The following N4BP1 variants were observed in gnomAD, a reference collection of about 807,000 sequenced individuals.
N4BP1 encodes the protein NEDD4-binding protein 1.
A neutral mutation model predicts 70.9 loss-of-function variants in N4BP1; 21 were observed. The ratio of observed to expected loss-of-function variants is 0.30; its 90% confidence interval spans 0.21 to 0.43. The LOEUF is 0.43. N4BP1 is among the 20% of genes least tolerant of loss of function. The probability of loss-of-function intolerance (pLI) is 1.00; values close to 1 mark genes in which losing one functional copy is unlikely to be tolerated. For missense variants in N4BP1, 936 were observed against 1,069.4 expected, an observed-to-expected ratio of 0.88 and a Z score of 1.74; for synonymous variants, 387 against 394.6, an observed-to-expected ratio of 0.98 and a Z score of 0.23.
At chr16:48,578,990 C>T (rs1320681744) in intron 1 of N4BP1, among the ~76,000 whole-genome samples, 1 of 151,656 alleles carries the variant, frequency 6.6e-6, no homozygotes, top group African/African-American at 2.4e-5. Context: ...TTTGCCCTTC[C>T]TTGGGGCATT....
Position 48,609,915 on chromosome 16 carries a change from G to A in N4BP1, c.58C>T (p.Leu20=). ...FTAPAEKAEL[L]EQSRGRIEGL... Reference sequence around the variant, plus strand: ...TCGATACGGCCGCGGCTCTGCTCCAGCAGCTCCGCCTTCTCAGCTGGCGCA... The same window carrying A: ...TCGATACGGCCGCGGCTCTGCTCCAACAGCTCCGCCTTCTCAGCTGGCGCA... Residue 20 remains leucine (L), a synonymous_variant, in exon 1 of 7, where the codon CTG becomes TTG. Transcript: ENST00000262384. 1.4e-6 allele frequency: 2 copies of A among 1,446,936 alleles called. No individual in the cohort carries two copies. Among genetic ancestry groups the A allele is most frequent in the South Asian group, 1.3e-5 (1 of 75,854 alleles). 89.6% of individuals were successfully genotyped at this position (1,446,936 alleles called of 1,614,324 possible).
rs996034486 is a variant in N4BP1, at chr16:48,561,218, C to A, written c.1425G>T (p.Trp475Cys). ...TACAAATGTAGTTCTGGTTTGAACC[C>A]CAGACTTCATGTTTCTGTTCTATTG... ...TVPIEQKHEV[W>C]GSNQNYICNT... The change falls in exon 2 of 7, where the codon TGG becomes TGT. Residue 475 changes from tryptophan (W) to cysteine (C), a missense_variant. Trp to Cys is a radical substitution (Grantham distance 215, BLOSUM62 -2). This residue lies in a region of N4BP1 where 515 missense variants were observed against 491.7 expected (regional missense o/e 1.05). Transcript: ENST00000262384. 1 of 1,613,946 alleles carries A rather than the reference C, an allele frequency of 6.2e-7. No individual in the cohort carries two copies. The highest frequency in any genetic ancestry group is 1.1e-5 in the South Asian group (1 of 91,084).
At chr16:48,595,308 C>A (rs1431596068) in intron 1 of N4BP1, among the ~76,000 whole-genome samples, 1 of 151,676 alleles carries the variant, frequency 6.6e-6, no homozygotes, top group Non-Finnish European at 1.5e-5. Context: ...ACTAAAGGTT[C>A]AAAAATTAGC....
At chr16:48,576,957 G>C (rs1964104302) in intron 1 of N4BP1, among the ~76,000 whole-genome samples, 1 of 152,124 alleles carries the variant, frequency 6.6e-6, no homozygotes, top group Non-Finnish European at 1.5e-5. Context: ...AGAGTGCAGA[G>C]GTGTGATCAC....
intron 2 of N4BP1, among the ~76,000 whole-genome samples, chr16:48,554,865 T>C (rs1963727786): frequency 6.6e-6 from 1 of 152,194 alleles, no homozygotes; most frequent in African/African-American, 2.4e-5. Context: ...AGGCCTTTGA[T>C]TCTGCTCAGG....
intron 4 of N4BP1, among the ~76,000 whole-genome samples, chr16:48,549,358 A>T (rs1963632932): frequency 6.6e-6 from 1 of 152,230 alleles, no homozygotes; most frequent in South Asian, 2.1e-4. Flanking sequence ...TAACAAAAAT[A>T]GGCAGTAAGG....
intron 1 of N4BP1, among the ~76,000 whole-genome samples, chr16:48,563,897 T>C (rs1005127517): frequency 3.3e-5 from 5 of 152,228 alleles, no homozygotes; most frequent in Non-Finnish European, 4.4e-5. Flanking sequence ...AGCATTTCTC[T>C]GTGTTGGGAG....
intron 1 of N4BP1, among the ~76,000 whole-genome samples, chr16:48,604,270 G>T (rs1020637229): frequency 6.6e-6 from 1 of 152,206 alleles, no homozygotes; most frequent in Non-Finnish European, 1.5e-5. Context: ...AAACATATGG[G>T]CTAGGCATGG....
intron 2 of N4BP1, among the ~76,000 whole-genome samples, chr16:48,559,119 C>T (rs563568447): frequency 2.6e-5 from 4 of 152,164 alleles, no homozygotes; most frequent in East Asian, 1.9e-4. Flanking sequence ...AGACTGATCA[C>T]GAGCTGGTAA....
intron 4 of N4BP1, among the ~76,000 whole-genome samples, chr16:48,549,754 G>A (rs1195607441): frequency 1.3e-5 from 2 of 152,164 alleles, no homozygotes; most frequent in Non-Finnish European, 2.9e-5. Flanking sequence ...TGTCTGCTGT[G>A]GTCCCAAGCC....
chr16:48,610,023 C>T lies in N4BP1; in HGVS notation c.-51G>A, dbSNP rs1964661092. 3 of 1,029,956 alleles carry T rather than the reference C, an allele frequency of 2.9e-6. No individual in the cohort carries two copies. Among genetic ancestry groups the T allele is most frequent in the African/African-American group, 1.7e-5 (1 of 58,544 alleles). 63.8% of individuals were successfully genotyped at this position (1,029,956 alleles called of 1,614,324 possible). On this transcript the variant is annotated 5_prime_UTR_variant, in exon 1 of 7. Coordinates refer to ENST00000262384, the MANE Select transcript of N4BP1 (RefSeq NM_153029.4). ...GCCGGGGGCCGGCGGCGGCGACGCC[C>T]CCTCAGCTTGCTGCCGCTGCTCCCA... is the stretch of plus-strand genomic sequence containing the variant.
Position 48,539,304 on chromosome 16 carries a change from C to T in N4BP1, c.*3600G>A, listed in dbSNP as rs1939278078. 2.6e-5 allele frequency: 4 copies of T among 152,548 alleles called. No individual in the cohort carries two copies. Among genetic ancestry groups the T allele is most frequent in the Non-Finnish European group, 5.9e-5 (4 of 68,354 alleles). The allele number at this position is 152,548 out of a possible 1,614,324, so 9.4% of individuals were successfully genotyped here. On this transcript the variant is annotated 3_prime_UTR_variant, in exon 7 of 7. Transcript: ENST00000262384. ...GAGGGGCCAGCCAGTTAGGGCCCAC[C>T]ACCCCTGGGTGTCTGAGAGTGGGAG...
At chr16:48,581,543 T>C (rs1479864536) in intron 1 of N4BP1, among the ~76,000 whole-genome samples, 2 of 152,174 alleles carry the variant, frequency 1.3e-5, no homozygotes, top group African/African-American at 2.4e-5. Flanking sequence ...TTGAATTCCA[T>C]AAAGTTGCAG....
At chr16:48,605,760 A>G (rs1964570446) in intron 1 of N4BP1, among the ~76,000 whole-genome samples, 1 of 152,192 alleles carries the variant, frequency 6.6e-6, no homozygotes, top group Non-Finnish European at 1.5e-5. Flanking sequence ...CATTTGTGGA[A>G]ATGTAAATTT....
intron 1 of N4BP1, chr16:48,600,590 C>A: frequency 3.6e-6 from 2 of 560,036 alleles, no homozygotes; most frequent in Non-Finnish European, 7.0e-6. Context: ...CAAAGGGAAG[C>A]AGTTGGAAGA....
intron 2 of N4BP1, among the ~76,000 whole-genome samples, chr16:48,559,943 G>A (rs1963828512): frequency 6.6e-6 from 1 of 152,126 alleles, no homozygotes; most frequent in Admixed American, 6.6e-5. Context: ...GAAATGATAT[G>A]GTAAAGATGT....
chr16:48,608,780 G>C (rs928805950), intron 1 of N4BP1, among the ~76,000 whole-genome samples: 9 of 151,720 alleles, frequency 5.9e-5, no homozygotes, highest in African/African-American at 2.2e-4. Context: ...AGGCGGGGTG[G>C]TGGTGGGGAG....
At chr16:48,551,595 T>C in intron 3 of N4BP1, 113 bp from the exon 4 acceptor site, 1 of 671,602 alleles carries the variant, frequency 1.5e-6, no homozygotes, top group Non-Finnish European at 2.4e-6. Flanking sequence ...AAAACCTTTT[T>C]TCTATTGACT....
At chr16:48,590,852 T>C (rs893982349) in intron 1 of N4BP1, among the ~76,000 whole-genome samples, 9 of 152,168 alleles carry the variant, frequency 5.9e-5, no homozygotes, top group African/African-American at 2.2e-4. Context: ...GTTCGGCTCC[T>C]TTGGGGTCTC....
Sources: gnomAD v4.1 joint callset for allele counts (sites outside exome capture counted in the v4.1 genomes callset) on GRCh38, gnomAD v4.1.1 for gene constraint, gnomAD v4.1.1 regional missense constraint, MANE v1.5 for transcripts, NCBI Gene and HGNC (gene_info 2026-07-23, HGNC 2026-07-21) for gene names.